CNTN4: variants seen among roughly 807,000 people sequenced by gnomAD.
The protein encoded by CNTN4 is contactin-4.
Under a neutral mutation model 122.5 loss-of-function variants are expected in CNTN4, and 77 were observed. The ratio of observed to expected loss-of-function variants is 0.63; its 90% CI spans 0.52 to 0.76. The LOEUF (loss-of-function observed/expected upper bound fraction) is 0.76, where lower values mean the gene tolerates loss of function less well. Ranked by LOEUF, CNTN4 falls within the 30% of genes least tolerant of loss-of-function variation. The pLI is 0.00. For synonymous variants in CNTN4, 512 were observed against 447.0 expected, an observed-to-expected ratio of 1.15 and a Z score of -1.83; for missense variants, 1,256 against 1,259.1, an observed-to-expected ratio of 1.00 and a Z score of 0.04.
intron 7 of CNTN4, among the ~76,000 whole-genome samples, chr3:2,827,983 A>T (rs2093022756): frequency 6.6e-6 from 1 of 152,228 alleles, no homozygotes; most frequent in Non-Finnish European, 1.5e-5. Flanking sequence ...ATAAAAAGCT[A>T]TAAGAATAGT....
intron 3 of CNTN4, among the ~76,000 whole-genome samples, chr3:2,462,102 C>T (rs1264359785): frequency 1.3e-5 from 2 of 152,150 alleles, no homozygotes; most frequent in African/African-American, 2.4e-5. Context: ...TAGACCCTTA[C>T]AATAAATAAT....
At chr3:2,503,406 T>C (rs1169221547) in intron 3 of CNTN4, among the ~76,000 whole-genome samples, 3 of 152,172 alleles carry the variant, frequency 2.0e-5, no homozygotes, top group Non-Finnish European at 4.4e-5. Context: ...TAATAAATGG[T>C]TGGGGAAGTA....
chr3:2,507,485 T>C (rs1000941276), intron 3 of CNTN4, among the ~76,000 whole-genome samples: 2 of 151,916 alleles, frequency 1.3e-5, no homozygotes, highest in Non-Finnish European at 2.9e-5. Context: ...GTAGGCCCGA[T>C]CACTCTGGGA....
chr3:2,588,785 T>TA (rs11334608), intron 4 of CNTN4, among the ~76,000 whole-genome samples: 75 of 118,676 alleles, frequency 6.3e-4, no homozygotes, highest in African/African-American at 1.8e-3. Flanking sequence ...CTTCCAGCTC[T>TA]AAAAAAAAAA....
intron 3 of CNTN4, among the ~76,000 whole-genome samples, chr3:2,518,894 A>G (rs1454391933): frequency 6.6e-6 from 1 of 152,164 alleles, no homozygotes; most frequent in African/African-American, 2.4e-5. Flanking sequence ...GAGCCGCCAC[A>G]GGAAAATGAA....
At chr3:2,650,225 A>C (rs1056811918) in intron 4 of CNTN4, among the ~76,000 whole-genome samples, 2 of 152,076 alleles carry the variant, frequency 1.3e-5, no homozygotes, top group African/African-American at 4.8e-5. Context: ...CTTTCAATGG[A>C]GGAAGCAACT....
chr3:2,959,936 A>C (rs1341067499), intron 13 of CNTN4, among the ~76,000 whole-genome samples: 1 of 152,232 alleles, frequency 6.6e-6, no homozygotes, highest in African/African-American at 2.4e-5. Flanking sequence ...TTCAGCTGCC[A>C]AGACTCAGGT....
chr3:2,308,552 T>C (rs1445324310), intron 2 of CNTN4, among the ~76,000 whole-genome samples: 1 of 152,094 alleles, frequency 6.6e-6, no homozygotes, highest in African/African-American at 2.4e-5. Context: ...AGCACAGCTT[T>C]AGCTTCATCT....
intron 2 of CNTN4, among the ~76,000 whole-genome samples, chr3:2,205,284 G>GA (rs2038287096): frequency 6.7e-6 from 1 of 148,892 alleles, no homozygotes; most frequent in Non-Finnish European, 1.5e-5. Context: ...TTCCACCAGT[G>GA]AAAAAATACA....
chr3:2,795,804 G>A (rs1029668128), intron 6 of CNTN4, among the ~76,000 whole-genome samples: 9 of 152,096 alleles, frequency 5.9e-5, no homozygotes, highest in African/African-American at 1.4e-4. Context: ...ACAGACGTGA[G>A]CCACCACGCC....
At chr3:2,440,556 C>T (rs993570756) in intron 3 of CNTN4, among the ~76,000 whole-genome samples, 3 of 151,972 alleles carry the variant, frequency 2.0e-5, no homozygotes, top group Non-Finnish European at 4.4e-5. Flanking sequence ...CAACTGATGT[C>T]GTGTGAGTGT....
intron 2 of CNTN4, among the ~76,000 whole-genome samples, chr3:2,313,083 A>G (rs1430637497): frequency 6.6e-6 from 1 of 152,074 alleles, no homozygotes; most frequent in African/African-American, 2.4e-5. Context: ...CAATAAAACT[A>G]TTGGAGTAAG....
intron 2 of CNTN4, among the ~76,000 whole-genome samples, chr3:2,179,547 G>A (rs2200666): frequency 3.3e-5 from 5 of 151,910 alleles, no homozygotes; most frequent in African/African-American, 9.7e-5. Context: ...ATGTCATTGA[G>A]GACAATGTGT....
At chr3:2,233,823 G>A (rs1388023079) in intron 2 of CNTN4, among the ~76,000 whole-genome samples, 3 of 152,084 alleles carry the variant, frequency 2.0e-5, no homozygotes, top group Admixed American at 6.5e-5. Flanking sequence ...TGGAAAAGTC[G>A]GGACTCCCTA....
chr3:2,117,093 C>T (rs2033407587), intron 2 of CNTN4, among the ~76,000 whole-genome samples: 2 of 152,136 alleles, frequency 1.3e-5, no homozygotes, highest in South Asian at 4.1e-4. Context: ...AGGTTGAGGG[C>T]TCAGTCCCAC....
chr3:2,211,539 A>G lies in CNTN4; in HGVS notation c.-145+110900A>G, dbSNP rs543114428. Among the ~76,000 whole-genome samples, 13 of 152,302 alleles carry G rather than the reference A, an allele frequency of 8.5e-5. No homozygotes were observed. In the South Asian group the frequency reaches 2.7e-3, roughly 32 times the overall value. On this transcript the variant is annotated intron_variant, in intron 2 of 24. Coordinates refer to ENST00000418658, the MANE Select transcript of CNTN4 (RefSeq NM_175607.3). ...TGTACGTTTTCCTACATGGATTATAATAAACCCCTTTTAAAAAATTTTCAT... is the reference window on the plus strand; with the variant it reads ...TGTACGTTTTCCTACATGGATTATAGTAAACCCCTTTTAAAAAATTTTCAT...
chr3:2,880,146 T>C (rs1319773765), intron 8 of CNTN4, among the ~76,000 whole-genome samples: 1 of 152,242 alleles, frequency 6.6e-6, no homozygotes, highest in African/African-American at 2.4e-5. Flanking sequence ...GACATATATT[T>C]GCTCCTTGGT....
intron 3 of CNTN4, among the ~76,000 whole-genome samples, chr3:2,375,682 ATTC>A (rs767381399): frequency 1.2e-4 from 19 of 152,140 alleles, no homozygotes; most frequent in East Asian, 1.2e-3. Context: ...AACTAAAATG[ATTC>A]TTCTTTTCTT....
At chr3:2,900,181 G>A (rs1559638433) in intron 10 of CNTN4, among the ~76,000 whole-genome samples, 2 of 152,084 alleles carry the variant, frequency 1.3e-5, no homozygotes, top group Non-Finnish European at 2.9e-5. Context: ...AGTGTGAAGG[G>A]AAAAAGAAGA....
Sources: allele counts gnomAD v4.1 joint callset (sites outside exome capture counted in the v4.1 genomes callset), GRCh38; gene constraint gnomAD v4.1.1; transcripts MANE v1.5; gene names NCBI Gene and HGNC (gene_info 2026-07-23, HGNC 2026-07-21).